The following ATM variants were observed in gnomAD, a reference collection of about 807,000 sequenced individuals.
ATM encodes the protein serine-protein kinase ATM.
In ATM, 308 loss-of-function variants were observed where a neutral mutation model predicts 387.0. The observed-to-expected ratio is 0.80, with a 90% CI of 0.73 to 0.87. ATM has a LOEUF of 0.87. Among genes scored for constraint, ATM ranks in the 40% least tolerant of loss-of-function variants. ATM has a pLI of 0.00. For synonymous variants in ATM, 1,156 were observed against 1,187.3 expected, an observed-to-expected ratio of 0.97 and a Z score of 0.54; for missense variants, 3,312 against 3,560.9, an observed-to-expected ratio of 0.93 and a Z score of 1.78.
intron 40 of ATM, among the ~76,000 whole-genome samples, chr11:108,312,754 A>T (rs565715303): frequency 6.6e-6 from 1 of 152,204 alleles, no homozygotes; most frequent in Admixed American, 6.5e-5. Context: ...AGTTTATGCC[A>T]TGCATTTTCT....
chr11:108,345,007 C>CAA (rs920422184), intron 57 of ATM, among the ~76,000 whole-genome samples: 1 of 142,908 alleles, frequency 7.0e-6, no homozygotes. Context: ...ACCCTGTCTC[C>CAA]AAAAAAAAAA....
chr11:108,287,404 T>A, intron 26 of ATM, 196 bp from the exon 27 acceptor site: 2 of 402,716 alleles, frequency 5.0e-6, no homozygotes, highest in Non-Finnish European at 8.7e-6. Context: ...TACTTTTTCC[T>A]CTTAGTCTAC....
chr11:108,333,678 G>A (rs2086521150), intron 53 of ATM, among the ~76,000 whole-genome samples: 1 of 152,190 alleles, frequency 6.6e-6, no homozygotes, highest in Admixed American at 6.5e-5. Flanking sequence ...CAGGTAACCT[G>A]CAAATTTACT....
chr11:108,309,879 A>G (rs2083996989), intron 38 of ATM, among the ~76,000 whole-genome samples: 1 of 152,174 alleles, frequency 6.6e-6, no homozygotes, highest in Non-Finnish European at 1.5e-5. Context: ...GGTAGAGAGC[A>G]GATATGAACC....
At chr11:108,302,253 G>GT (rs943538418) in intron 35 of ATM, among the ~76,000 whole-genome samples, 1 of 152,096 alleles carries the variant, frequency 6.6e-6, no homozygotes, top group Non-Finnish European at 1.5e-5. Context: ...TAAGTATTCT[G>GT]TGAAGCATGT....
intron 32 of ATM, among the ~76,000 whole-genome samples, chr11:108,296,509 C>T (rs2083129727): frequency 6.6e-6 from 1 of 152,154 alleles, no homozygotes; most frequent in Non-Finnish European, 1.5e-5. Flanking sequence ...GCCTCGGCCT[C>T]CCAAAGTGCT....
At chr11:108,363,788 A>G (rs932616649) in intron 61 of ATM, among the ~76,000 whole-genome samples, 2 of 152,120 alleles carry the variant, frequency 1.3e-5, no homozygotes, top group Admixed American at 6.6e-5. Context: ...TAATTCTAAT[A>G]TTTGCAAGTA....
chr11:108,332,947 C>G (rs2136578664), intron 53 of ATM, 47 bp downstream of exon 53: 1 of 1,584,414 alleles, frequency 6.3e-7, no homozygotes, highest in Non-Finnish European at 8.6e-7. Flanking sequence ...CTGTGTTACT[C>G]TCTGTAGAGA....
Position 108,235,741 on chromosome 11 carries a change from G to A in ATM, c.403G>A (p.Ala135Thr), listed in dbSNP as rs1272089657. Reference sequence around the variant, plus strand: ...TACAGTGAAAGATTCATCTAATGGTGCTATTTACGGAGCTGATTGTAGCAA... The same window carrying A: ...TACAGTGAAAGATTCATCTAATGGTACTATTTACGGAGCTGATTGTAGCAA... ...MDTVKDSSNG[A>T]IYGADCSNIL... The change falls in exon 5 of 63, where the codon GCT becomes ACT. Residue 135 changes from alanine (A) to threonine (T), a missense_variant. Ala to Thr is a moderately conservative substitution (Grantham distance 58). Transcript: ENST00000675843. 6.2e-7 allele frequency: 1 copy of A among 1,612,532 alleles called. No homozygotes were observed. The highest frequency in any genetic ancestry group is 8.5e-7 in the Non-Finnish European group (1 of 1,178,738).
intron 59 of ATM, among the ~76,000 whole-genome samples, chr11:108,349,918 G>A (rs1030741182): frequency 6.6e-6 from 1 of 152,154 alleles, no homozygotes; most frequent in Admixed American, 6.5e-5. Context: ...GAGAGAGAAG[G>A]AAAAGTGATG....
At position 108,284,485 on chromosome 11, in the gene ATM, AT is replaced by A. The variant is rs2135710490; in HGVS notation, c.3993+17del. On this transcript the variant is annotated intron_variant, in intron 26 of 62. Coordinates refer to ENST00000675843, the MANE Select transcript of ATM (RefSeq NM_000051.4). ...TATTGGGAAAACAGGTATGGCTTCA[AT>A]TTTTATGTACTTTTCATTCCCTGAA... 2 of 1,613,630 alleles carry A rather than the reference AT, an allele frequency of 1.2e-6. No individual in the cohort carries two copies. The highest frequency in any genetic ancestry group is 1.7e-6 in the Non-Finnish European group (2 of 1,179,694).
chr11:108,352,809 C>G (rs1301729117), intron 59 of ATM, among the ~76,000 whole-genome samples: 1 of 152,114 alleles, frequency 6.6e-6, no homozygotes, highest in Non-Finnish European at 1.5e-5. Context: ...AAGCTATTCC[C>G]AAAAGGTTAC....
intron 56 of ATM, among the ~76,000 whole-genome samples, chr11:108,337,331 TAGC>T (rs1268593746): frequency 6.6e-5 from 10 of 152,226 alleles, no homozygotes; most frequent in Admixed American, 2.6e-4. Context: ...TGTTTTCCAT[TAGC>T]AGTTTAAAAA....
Position 108,272,804 on chromosome 11 carries a change from C to G in ATM, c.3236C>G (p.Ala1079Gly), listed in dbSNP as rs778233602. ...PVNEVFTQFL[A>G]DNHHQVRMLA... ...AATGAAGTATTTACACAATTTCTTG[C>G]TGACAATCATCACCAAGTTCGCATG... The change falls in exon 22 of 63, where the codon GCT (alanine) becomes GGT (glycine). Residue 1079 changes from alanine to glycine, a missense_variant. Physicochemically the swap from Ala to Gly is moderately conservative, Grantham distance 60. Transcript: ENST00000675843. 2 of 1,614,026 alleles carry G rather than the reference C, an allele frequency of 1.2e-6. No individual in the cohort carries two copies. Among genetic ancestry groups the G allele is most frequent in the Non-Finnish European group, 1.7e-6 (2 of 1,179,974 alleles).
In ATM at chr11:108,312,392, G is replaced by GTGTT. The variant is rs2136057696; in HGVS notation, c.5919-18_5919-15dup. 2 of 1,518,596 alleles carry GTGTT rather than the reference G, an allele frequency of 1.3e-6. No homozygotes were observed. Among genetic ancestry groups the GTGTT allele is most frequent in the Non-Finnish European group, 1.8e-6 (2 of 1,093,472 alleles). 94.1% of individuals were successfully genotyped at this position (1,518,596 alleles called of 1,614,324 possible). A position where few individuals can be genotyped will look rare whatever the true frequency, so the allele number is the denominator to read the frequency against. ...AAATAGTATGTTCTCATTAAAAGAGGTGTTCTTGTGACAAACAGAAGTCTT... is the reference window on the plus strand; with the variant it reads ...AAATAGTATGTTCTCATTAAAAGAGGTGTTTGTTCTTGTGACAAACAGAAGTCTT... On this transcript the variant is annotated intron_variant, in intron 39 of 62. Transcript: ENST00000675843.
intron 18 of ATM, among the ~76,000 whole-genome samples, chr11:108,270,300 A>G (rs1032343151): frequency 2.0e-5 from 3 of 152,296 alleles, no homozygotes; most frequent in Admixed American, 1.3e-4. Flanking sequence ...AAATTCATTA[A>G]TAGTTTTCAA....
intron 56 of ATM, among the ~76,000 whole-genome samples, chr11:108,341,702 T>A (rs562139003): frequency 6.6e-6 from 1 of 152,172 alleles, no homozygotes; most frequent in East Asian, 1.9e-4. Flanking sequence ...CATTTTAATA[T>A]AAAGAACAAG....
chr11:108,358,459 T>C (rs1447076230), intron 61 of ATM, among the ~76,000 whole-genome samples: 1 of 150,924 alleles, frequency 6.6e-6, no homozygotes, highest in Non-Finnish European at 1.5e-5. Context: ...ACAAAGATAC[T>C]CTTTGAGAAG....
At chr11:108,301,502 T>G (rs924157840) in intron 34 of ATM, 146 bp from the exon 35 acceptor site, 9 of 966,204 alleles carry the variant, frequency 9.3e-6, no homozygotes, top group Admixed American at 6.8e-5. Context: ...CTTTGATACT[T>G]TTATTTGATA....
Sources: allele counts gnomAD v4.1 joint callset (sites outside exome capture counted in the v4.1 genomes callset), GRCh38; gene constraint gnomAD v4.1.1; transcripts MANE v1.5; gene names NCBI Gene and HGNC (gene_info 2026-07-23, HGNC 2026-07-21).